The following SMAD2 variants were observed in gnomAD, a reference collection of about 807,000 sequenced individuals.
SMAD2 encodes MAD homolog 2.
In SMAD2, 8 loss-of-function variants were observed where a neutral mutation model predicts 64.4. The observed-to-expected ratio is 0.12, with a 90% CI of 0.07 to 0.22. The LOEUF (loss-of-function observed/expected upper bound fraction) is 0.22. Among genes scored for constraint, SMAD2 ranks in the 10% least tolerant of loss-of-function variants. SMAD2 has a pLI of 1.00. For missense variants in SMAD2, 289 were observed against 561.2 expected, an observed-to-expected ratio of 0.51 and a Z score of 4.90; for synonymous variants, 203 against 195.8, an observed-to-expected ratio of 1.04 and a Z score of -0.31.
chr18:47,899,846 T>C (rs1236779721), intron 1 of SMAD2, among the ~76,000 whole-genome samples: 1 of 152,172 alleles, frequency 6.6e-6, no homozygotes, highest in East Asian at 1.9e-4. Flanking sequence ...GTCACCCTAC[T>C]ACTAAAAATC....
chr18:47,838,497 T>A lies in SMAD2; in HGVS notation c.*3330A>T, dbSNP rs1961055931. The stretch of plus-strand genomic sequence containing the variant: ...GGCAAACAACAGGCATCAATAAATG[T>A]TTACTAACTGAATGTGTATTATAAG... On this transcript the variant is annotated 3_prime_UTR_variant, in exon 11 of 11. Transcript: ENST00000262160. The A allele has an allele frequency of 4.3e-6, 1 of 233,136 alleles. No individual in the cohort carries two copies. The highest frequency in any genetic ancestry group is 8.5e-6 in the Non-Finnish European group (1 of 117,966). The allele number at this position is 233,136 out of a possible 1,614,324, so 14.4% of individuals were successfully genotyped here. A position where few individuals can be genotyped will look rare whatever the true frequency, so the allele number is the denominator to read the frequency against.
At position 47,831,362 on chromosome 18, in the gene SMAD2, C is replaced by T. The variant is rs1912983328; in HGVS notation, c.*10465G>A. On this transcript the variant is annotated 3_prime_UTR_variant, in exon 11 of 11. Coordinates refer to ENST00000262160, the MANE Select transcript of SMAD2 (RefSeq NM_005901.6). Reference sequence around the variant, plus strand: ...TCCAAATTGAATGTATTCTTCAACCCTGGGCTTACTGTATTCTGCCCATCT... The same window carrying T: ...TCCAAATTGAATGTATTCTTCAACCTTGGGCTTACTGTATTCTGCCCATCT... The T allele has an allele frequency of 6.6e-6, 1 of 152,202 alleles. No individual in the cohort carries two copies. The highest frequency in any genetic ancestry group is 1.5e-5 in the Non-Finnish European group (1 of 68,040). 9.4% of individuals were successfully genotyped at this position (152,202 alleles called of 1,614,324 possible).
chr18:47,837,246 A>C lies in SMAD2; in HGVS notation c.*4581T>G, dbSNP rs775728291. On this transcript the variant is annotated 3_prime_UTR_variant, in exon 11 of 11. Transcript: ENST00000262160. ...TTTTGTTAATAAGTTCAAAGGAGAG[A>C]AACATTCTGATATATGCAGATAAAA... is the stretch of plus-strand genomic sequence containing the variant. 4 of 196,454 alleles carry C rather than the reference A, an allele frequency of 2.0e-5. No homozygotes were observed. Among genetic ancestry groups the C allele is most frequent in the Non-Finnish European group, 4.2e-5 (4 of 94,756 alleles). The allele number at this position is 196,454 out of a possible 1,614,324, so 12.2% of individuals were successfully genotyped here.
rs180714449 is a variant in SMAD2 at position 47,837,573 on chromosome 18, A to C, written c.*4254T>G. 0.02 allele frequency: 4,647 copies of C among 227,664 alleles called. 129 individuals carry two copies. The highest frequency in any genetic ancestry group is 0.062 in the African/African-American group (2,799 of 45,044). 14.1% of individuals were successfully genotyped at this position (227,664 alleles called of 1,614,324 possible). ...CGAGACTCCCTCTCAAAAAAAAAAA[A>C]AAAAAACAAAAAACAAGGCTAACAA... On this transcript the variant is annotated 3_prime_UTR_variant, in exon 11 of 11. Coordinates refer to ENST00000262160, the MANE Select transcript of SMAD2 (RefSeq NM_005901.6).
chr18:47,918,407 A>G (rs2034420222), intron 1 of SMAD2, among the ~76,000 whole-genome samples: 1 of 152,208 alleles, frequency 6.6e-6, no homozygotes, highest in Non-Finnish European at 1.5e-5. Context: ...CCGACCCAGG[A>G]GGAAAGGCAT....
chr18:47,885,387 C>T (rs567770935), intron 2 of SMAD2, among the ~76,000 whole-genome samples: 2 of 152,176 alleles, frequency 1.3e-5, no homozygotes, highest in Middle Eastern at 3.4e-3. Context: ...AGGCTGGTCT[C>T]GAACTCATGA....
At chr18:47,842,324 A>C (rs189251313) in intron 10 of SMAD2, among the ~76,000 whole-genome samples, 237 of 152,212 alleles carry the variant, frequency 1.6e-3, no homozygotes, top group Admixed American at 2.8e-3. Flanking sequence ...GGCGGATCAC[A>C]AGGTCAAGAG....
intron 2 of SMAD2, chr18:47,887,072 C>G (rs1598838761): frequency 1.3e-5 from 2 of 152,370 alleles, no homozygotes; most frequent in African/African-American, 4.8e-5. Flanking sequence ...AGGATACAGA[C>G]AGCTCATGAA....
chr18:47,895,262 C>CT (rs1237740616), intron 2 of SMAD2: 9 of 152,232 alleles, frequency 5.9e-5, no homozygotes, highest in Non-Finnish European at 7.3e-5. Context: ...ATACAAGAAG[C>CT]TCACCTCAGT....
chr18:47,841,902 A>G lies in SMAD2; in HGVS notation c.1329T>C (p.Asn443=), dbSNP rs755124459. ...CTTTGTCCAACCACTGTAGAGGTCC[A>G]TTCAGATGAAGTTCAATCCAGCAAG... is the stretch of plus-strand genomic sequence containing the variant. ...STPCWIELHL[N]GPLQWLDKVL... Residue 443 remains asparagine, a synonymous_variant, in exon 11 of 11, where the codon AAT becomes AAC. Coordinates refer to ENST00000262160, the MANE Select transcript of SMAD2 (RefSeq NM_005901.6). The G allele has an allele frequency of 5.6e-6, 9 of 1,614,074 alleles. No homozygotes were observed. The South Asian group carries it at 8.8e-5, about 16-fold the overall frequency.
At chr18:47,888,876 A>G (rs995854492) in intron 2 of SMAD2, among the ~76,000 whole-genome samples, 1 of 152,238 alleles carries the variant, frequency 6.6e-6, no homozygotes, top group Non-Finnish European at 1.5e-5. Flanking sequence ...TCCAGACATT[A>G]GAACTGCCAC....
intron 1 of SMAD2, among the ~76,000 whole-genome samples, chr18:47,911,891 G>A (rs2034150869): frequency 6.6e-6 from 1 of 152,168 alleles, no homozygotes; most frequent in African/African-American, 2.4e-5. Context: ...GGGACTATCA[G>A]GCAGCAAAAA....
chr18:47,865,372 C>T (rs567456024), intron 5 of SMAD2, among the ~76,000 whole-genome samples: 8 of 152,234 alleles, frequency 5.3e-5, no homozygotes, highest in African/African-American at 1.9e-4. Context: ...ACATTATGTA[C>T]GTATCTTGCT....
chr18:47,928,204 TA>T (rs1306019496), intron 1 of SMAD2, among the ~76,000 whole-genome samples: 23 of 152,220 alleles, frequency 1.5e-4, no homozygotes, highest in African/African-American at 5.3e-4. Context: ...AACACCTGTA[TA>T]AAAAAGCTGC....
At chr18:47,903,907 C>T (rs2033798391) in intron 1 of SMAD2, among the ~76,000 whole-genome samples, 1 of 126,376 alleles carries the variant, frequency 7.9e-6, no homozygotes, top group African/African-American at 2.9e-5. Flanking sequence ...ATATCCAAAA[C>T]CAAATGTCAG....
At position 47,834,884 on chromosome 18, in the gene SMAD2, T is replaced by C. The variant is rs1913268520; in HGVS notation, c.*6943A>G. On this transcript the variant is annotated 3_prime_UTR_variant, in exon 11 of 11. Coordinates refer to ENST00000262160, the MANE Select transcript of SMAD2 (RefSeq NM_005901.6). Reference sequence around the variant, plus strand: ...AACTGTTTTCCACAGTCCTGCATTATATATTAAAACAAAGGCTGCCAGCTG... The same window carrying C: ...AACTGTTTTCCACAGTCCTGCATTACATATTAAAACAAAGGCTGCCAGCTG... 4 of 223,022 alleles carry C rather than the reference T, an allele frequency of 1.8e-5. No individual in the cohort carries two copies. In the East Asian group the frequency reaches 2.6e-4, roughly 14 times the overall value. The allele number at this position is 223,022 out of a possible 1,614,324, so 13.8% of individuals were successfully genotyped here.
At position 47,816,108 on chromosome 18, in the gene SMAD2, G is replaced by A. The variant is rs1912356808; in HGVS notation, c.*25719C>T. On this transcript the variant is annotated 3_prime_UTR_variant, in exon 11 of 11. Transcript: ENST00000262160. ...CTCATGTCTTGGCTTCTAGAGCCCG[G>A]AGATAAGATCAGCTTCCCTTGAAAA... is the stretch of plus-strand genomic sequence containing the variant. The A allele has an allele frequency of 6.6e-6, 1 of 152,172 alleles. No individual in the cohort carries two copies. The highest frequency in any genetic ancestry group is 2.4e-5 in the African/African-American group (1 of 41,442). 9.4% of individuals were successfully genotyped at this position (152,172 alleles called of 1,614,324 possible). A position where few individuals can be genotyped will look rare whatever the true frequency, so the allele number is the denominator to read the frequency against.
intron 1 of SMAD2, among the ~76,000 whole-genome samples, chr18:47,925,392 C>G (rs1323395895): frequency 6.6e-6 from 1 of 152,152 alleles, no homozygotes; most frequent in Non-Finnish European, 1.5e-5. Flanking sequence ...ACCCACTGAG[C>G]CAAGGAGAAC....
rs2031521529 is a variant in SMAD2, at chr18:47,865,961, C to T, written c.656-828G>A. Among the ~76,000 whole-genome samples, 3 of 152,114 alleles carry T rather than the reference C, an allele frequency of 2.0e-5. No individual in the cohort carries two copies. The South Asian group carries it at 6.2e-4, about 31-fold the overall frequency. ...AAGACTTTCATCAGTTTTACATTTA[C>T]ACTGAACAGTTTTGAGCGATTCAAG... On this transcript the variant is annotated intron_variant, in intron 5 of 10. Coordinates refer to ENST00000262160, the MANE Select transcript of SMAD2 (RefSeq NM_005901.6).
Sources: allele counts gnomAD v4.1 joint callset (sites outside exome capture counted in the v4.1 genomes callset), GRCh38; gene constraint gnomAD v4.1.1; transcripts MANE v1.5; gene names NCBI Gene and HGNC (gene_info 2026-07-23, HGNC 2026-07-21).